The following TNFRSF8 variants were observed in gnomAD, a reference collection of about 807,000 sequenced individuals.
The protein encoded by TNFRSF8 is TNF receptor superfamily member 8.
In TNFRSF8, 26 loss-of-function variants were observed where a neutral mutation model predicts 70.8. The observed-to-expected ratio is 0.37, with a 90% CI of 0.27 to 0.51. TNFRSF8 has a LOEUF of 0.51. TNFRSF8 is among the 20% of genes least tolerant of loss of function. The pLI, the probability that TNFRSF8 is intolerant of heterozygous loss-of-function variation, is 0.94. For synonymous variants in TNFRSF8, 356 were observed against 339.2 expected (o/e 1.05, Z -0.54); for missense variants, 720 against 807.9 (o/e 0.89, Z 1.32).
At position 12,108,342 on chromosome 1, in the gene TNFRSF8, T is replaced by C. The variant is rs1641565497; in HGVS notation, c.422-1224T>C. On this transcript the variant is annotated intron_variant, in intron 4 of 14. Transcript: ENST00000263932. This position sits in a 1 kb window ranked among gnomAD's most constrained non-coding sequence, Gnocchi z 4.0. ...ATCCGCCCACCTCGGCCTCCCAAAGTGTTGGGATTACAGGTGTGAGCCACC... is the reference window on the plus strand; with the variant it reads ...ATCCGCCCACCTCGGCCTCCCAAAGCGTTGGGATTACAGGTGTGAGCCACC... Among the ~76,000 whole-genome samples, 1 of 151,384 alleles carries C rather than the reference T, an allele frequency of 6.6e-6. No individual in the cohort carries two copies. The highest frequency in any genetic ancestry group is 2.1e-4 in the South Asian group (1 of 4,754).
rs1641619494 is a variant in TNFRSF8, at chr1:12,110,949, GCT to G, written c.676+748_676+749del. On this transcript the variant is annotated intron_variant, in intron 6 of 14. Transcript: ENST00000263932. The surrounding 1 kb of genome is among the most constrained non-coding windows in gnomAD (Gnocchi z 4.0). ...GCCCTCCATGGCGTAGATATGCCGA[GCT>G]CTGTTTATCCAGTTTTTGAATATTT... Among the ~76,000 whole-genome samples the G allele has an allele frequency of 6.6e-6, 1 of 152,088 alleles. No homozygotes were observed. The highest frequency in any genetic ancestry group is 1.5e-5 in the Non-Finnish European group (1 of 68,024).
intron 3 of TNFRSF8, among the ~76,000 whole-genome samples, chr1:12,100,201 T>A (rs960914875): frequency 1.3e-5 from 2 of 151,514 alleles, no homozygotes; most frequent in Non-Finnish European, 2.9e-5. Context: ...ATAAAAAAAA[T>A]GGCACACTTG....
At chr1:12,079,559 G>T (rs1367442355) in intron 1 of TNFRSF8, among the ~76,000 whole-genome samples, 1 of 152,224 alleles carries the variant, frequency 6.6e-6, no homozygotes, top group East Asian at 1.9e-4. Context: ...AGCGGCAGAC[G>T]CCCCGGCCCT....
chr1:12,092,370 G>GC (rs1222372136), intron 2 of TNFRSF8, among the ~76,000 whole-genome samples: 3 of 152,040 alleles, frequency 2.0e-5, no homozygotes, highest in African/African-American at 7.2e-5. Flanking sequence ...ATGGGGTCTT[G>GC]CCTTGTTGCC....
intron 1 of TNFRSF8, among the ~76,000 whole-genome samples, chr1:12,071,365 G>A (rs2100945647): frequency 6.6e-6 from 1 of 152,262 alleles, no homozygotes; most frequent in South Asian, 2.1e-4. Context: ...CTTGAACCTG[G>A]GAGGCAGAGG....
At chr1:12,086,795 T>C (rs1557580591) in intron 2 of TNFRSF8, among the ~76,000 whole-genome samples, 2 of 151,612 alleles carry the variant, frequency 1.3e-5, no homozygotes, top group Admixed American at 6.6e-5. Flanking sequence ...CTCTCTCTCT[T>C]TCTCTCTCTT....
Position 12,123,305 on chromosome 1 carries a change from C to A in TNFRSF8, c.968C>A (p.Thr323Asn), listed in dbSNP as rs148865579. 1.3e-4 allele frequency: 215 copies of A among 1,613,202 alleles called. No individual in the cohort carries two copies. The highest frequency in any genetic ancestry group is 1.7e-4 in the Non-Finnish European group (195 of 1,179,784). The change falls in exon 9 of 15, where the codon ACC becomes AAC. Residue 323 changes from threonine (T) to asparagine (N), a missense_variant. Coordinates refer to ENST00000263932, the MANE Select transcript of TNFRSF8 (RefSeq NM_001243.5). ...GCAGATATGGCTGAGAAGGACACCA[C>A]CTTTGAGGCGCCACCCCTGGGGACC... ...KPQDMAEKDT[T>N]FEAPPLGTQP...
At chr1:12,073,886 G>A (rs542770086) in intron 1 of TNFRSF8, among the ~76,000 whole-genome samples, 1 of 151,870 alleles carries the variant, frequency 6.6e-6, no homozygotes, top group Non-Finnish European at 1.5e-5. Flanking sequence ...GGGAGCCACC[G>A]CACCCAGCCC....
chr1:12,127,524 C>G (rs1641964453), intron 12 of TNFRSF8, among the ~76,000 whole-genome samples: 1 of 152,250 alleles, frequency 6.6e-6, no homozygotes, highest in Non-Finnish European at 1.5e-5. Context: ...AGCCTAAGGC[C>G]AGGCCCTGGC....
chr1:12,068,402 C>T (rs1267597202), intron 1 of TNFRSF8, among the ~76,000 whole-genome samples: 1 of 152,126 alleles, frequency 6.6e-6, no homozygotes, highest in Non-Finnish European at 1.5e-5. Flanking sequence ...CCTACAGTTC[C>T]AGGACTGGTC....
intron 12 of TNFRSF8, among the ~76,000 whole-genome samples, chr1:12,129,018 A>G (rs1225280218): frequency 1.3e-5 from 2 of 151,554 alleles, no homozygotes; most frequent in East Asian, 3.9e-4. Flanking sequence ...TATTTTTAGT[A>G]GAGACGGGGT....
chr1:12,116,282 C>G lies in TNFRSF8; in HGVS notation c.946+553C>G, dbSNP rs373752560. Among the ~76,000 whole-genome samples, 5 of 152,060 alleles carry G rather than the reference C, an allele frequency of 3.3e-5. No individual in the cohort carries two copies. In the East Asian group the frequency reaches 9.7e-4, roughly 30 times the overall value. On this transcript the variant is annotated intron_variant, in intron 8 of 14. Coordinates refer to ENST00000263932, the MANE Select transcript of TNFRSF8 (RefSeq NM_001243.5). ...AGGCCTGAGCCACCATGCCCAGCCC[C>G]GGGCTGGTAAAATCTTGACCTGTTT... is the stretch of plus-strand genomic sequence containing the variant.
At chr1:12,087,450 G>T (rs1011677534) in intron 2 of TNFRSF8, among the ~76,000 whole-genome samples, 1 of 152,182 alleles carries the variant, frequency 6.6e-6, no homozygotes, top group African/African-American at 2.4e-5. Flanking sequence ...TTACAGGCAT[G>T]AGCCACTGTG....
At chr1:12,107,408 GATAAAAA>G (rs1269163275) in intron 4 of TNFRSF8, among the ~76,000 whole-genome samples, 1 of 151,650 alleles carries the variant, frequency 6.6e-6, no homozygotes, top group Non-Finnish European at 1.5e-5. Flanking sequence ...AAAAAAATCC[GATAAAAA>G]ATAAAAAAAA....
At chr1:12,083,973 C>T (rs751963636) in intron 1 of TNFRSF8, among the ~76,000 whole-genome samples, 6 of 152,118 alleles carry the variant, frequency 3.9e-5, no homozygotes, top group Admixed American at 6.5e-5. Flanking sequence ...CTGGCAAGGT[C>T]CCATTTGATG....
intron 2 of TNFRSF8, among the ~76,000 whole-genome samples, chr1:12,085,673 C>T (rs892772236): frequency 6.6e-6 from 1 of 152,336 alleles, no homozygotes; most frequent in Non-Finnish European, 1.5e-5. Context: ...GTTCCCCCAC[C>T]CCCAGCACCG....
At chr1:12,086,790 T>C (rs1259518797) in intron 2 of TNFRSF8, among the ~76,000 whole-genome samples, 1 of 151,806 alleles carries the variant, frequency 6.6e-6, no homozygotes, top group Non-Finnish European at 1.5e-5. Flanking sequence ...GATCTCTCTC[T>C]CTCTTTCTCT....
At position 12,123,800 on chromosome 1, in the gene TNFRSF8, T is replaced by C; in HGVS notation, c.1126T>C (p.Ser376Pro). The change falls in exon 10 of 15, where the codon TCC becomes CCC. Residue 376 changes from serine (S) to proline (P), a missense_variant. By Grantham distance (74) the Ser-to-Pro change is moderately conservative. Transcript: ENST00000263932. The stretch of plus-strand genomic sequence containing the variant: ...AACCAGCGCTCCCGTCGCTCTCTCC[T>C]CCACGGGGAAGCCCGTTCTGGATGC... ...IPTSAPVALS[S>P]TGKPVLDAGP... The C allele has an allele frequency of 6.4e-7, 1 of 1,574,120 alleles. No homozygotes were observed. The highest frequency in any genetic ancestry group is 8.6e-7 in the Non-Finnish European group (1 of 1,159,234).
intron 2 of TNFRSF8, among the ~76,000 whole-genome samples, chr1:12,090,316 C>T (rs1641226588): frequency 6.6e-6 from 1 of 150,760 alleles, no homozygotes; most frequent in Non-Finnish European, 1.5e-5. Context: ...ACCCATCCAC[C>T]TTTCCCCATC....
Sources: allele counts gnomAD v4.1 joint callset (sites outside exome capture counted in the v4.1 genomes callset), GRCh38; gene constraint gnomAD v4.1.1; non-coding constraint Gnocchi (gnomAD v3.1); transcripts MANE v1.5; gene names NCBI Gene and HGNC (gene_info 2026-07-23, HGNC 2026-07-21).